Variants in TENM2 observed in about 807,000 individuals in gnomAD.
The protein encoded by TENM2 is teneurin-2.
Under a neutral mutation model 245.2 loss-of-function variants are expected in TENM2, and 52 were observed. The ratio of observed to expected loss-of-function variants is 0.21; its 90% CI spans 0.17 to 0.27. The LOEUF (loss-of-function observed/expected upper bound fraction) is 0.27, where lower values mean the gene tolerates loss of function less well. Ranked by LOEUF, TENM2 falls within the 10% of genes least tolerant of loss-of-function variation. The pLI is 1.00. For missense variants in TENM2, 3,046 were observed against 3,666.8 expected (o/e 0.83, Z 4.37); for synonymous variants, 1,363 against 1,438.9 (o/e 0.95, Z 1.19).
the TENM2 span, among the ~76,000 whole-genome samples, chr5:167,139,627 A>G: frequency 1.8e-4 from 28 of 152,194 alleles, no homozygotes; most frequent in Non-Finnish European, 3.4e-4. Flanking sequence ...AGCAAAGTCA[A>G]TCGTTAGCTA....
chr5:167,485,736 G>A (rs528881775), intron 2 of TENM2, among the ~76,000 whole-genome samples: 1 of 152,190 alleles, frequency 6.6e-6, no homozygotes, highest in African/African-American at 2.4e-5. Context: ...CAAGTTGCAG[G>A]GGAAAGACAA....
chr5:167,485,720 C>A (rs1236699269), intron 2 of TENM2, among the ~76,000 whole-genome samples: 2 of 152,082 alleles, frequency 1.3e-5, no homozygotes, highest in African/African-American at 2.4e-5. Context: ...TGCCTAAATA[C>A]CCCGACAAGT....
chr5:168,149,143 G>A (rs1249147950), intron 12 of TENM2, among the ~76,000 whole-genome samples: 1 of 152,094 alleles, frequency 6.6e-6, no homozygotes, highest in Non-Finnish European at 1.5e-5. Context: ...GAAAGGCGAG[G>A]CATTCATTTG....
At chr5:168,259,697 A>AG in intron 27 of TENM2, among the ~76,000 whole-genome samples, 1 of 152,354 alleles carries the variant, frequency 6.6e-6, no homozygotes, top group East Asian at 1.9e-4. Flanking sequence ...AGCCAGCCTC[A>AG]GTGCAGTGGC....
intron 27 of TENM2, among the ~76,000 whole-genome samples, chr5:168,251,537 C>T (rs10447194): frequency 0.44 from 67,141 of 151,974 alleles, 15,785 homozygotes; most frequent in South Asian, 0.54. Flanking sequence ...GCACAGCCCA[C>T]GCTCGGGCAG....
chr5:167,084,787 C>G, the TENM2 span, among the ~76,000 whole-genome samples: 1 of 152,114 alleles, frequency 6.6e-6, no homozygotes, highest in African/African-American at 2.4e-5. Context: ...ATGTCAGTAT[C>G]AAAGCCCTAA....
intron 5 of TENM2, among the ~76,000 whole-genome samples, chr5:168,001,434 G>A (rs768785068): frequency 3.3e-5 from 5 of 152,170 alleles, no homozygotes; most frequent in Non-Finnish European, 7.3e-5. Flanking sequence ...GCAAATAATG[G>A]CATAAATCTA....
chr5:168,149,708 A>G (rs1756469024), intron 12 of TENM2, among the ~76,000 whole-genome samples: 1 of 152,126 alleles, frequency 6.6e-6, no homozygotes, highest in East Asian at 1.9e-4. Context: ...TTAAAAACTC[A>G]TGTCAGATCA....
intron 2 of TENM2, among the ~76,000 whole-genome samples, chr5:167,844,064 G>A (rs937665498): frequency 6.6e-6 from 1 of 152,120 alleles, no homozygotes; most frequent in African/African-American, 2.4e-5. Flanking sequence ...CTTACTGCCT[G>A]TACAGCTTAG....
chr5:167,445,330 TATATATAGAG>T (rs1389014186), intron 2 of TENM2, among the ~76,000 whole-genome samples: 3 of 49,304 alleles, frequency 6.1e-5, no homozygotes, highest in Admixed American at 3.6e-4. Flanking sequence ...TATATATATA[TATATATAGAG>T]AGAGAGAGAG....
chr5:167,545,442 C>T (rs1292732667), intron 2 of TENM2, among the ~76,000 whole-genome samples: 1 of 152,142 alleles, frequency 6.6e-6, no homozygotes, highest in African/African-American at 2.4e-5. Context: ...CAGGCACCTG[C>T]ACACAATGAA....
the TENM2 span, among the ~76,000 whole-genome samples, chr5:166,979,220 A>AGCAGCG: frequency 6.6e-6 from 1 of 150,970 alleles, no homozygotes; most frequent in Non-Finnish European, 1.5e-5. Flanking sequence ...CAGCAGCAGC[A>AGCAGCG]GCAGCAGCAG....
intron 12 of TENM2, among the ~76,000 whole-genome samples, chr5:168,158,898 T>C (rs1204398607): frequency 1.4e-5 from 2 of 141,308 alleles, no homozygotes; most frequent in African/African-American, 5.2e-5. Context: ...CGTATATATA[T>C]ACATGTATAT....
At chr5:167,583,510 A>ACACACACCCC (rs777180325) in intron 2 of TENM2, among the ~76,000 whole-genome samples, 1 of 149,894 alleles carries the variant, frequency 6.7e-6, no homozygotes, top group Non-Finnish European at 1.5e-5. Context: ...ACACACACAC[A>ACACACACCCC]CCCCAAACCT....
chr5:167,330,205 T>G (rs1269085585), intron 1 of TENM2, among the ~76,000 whole-genome samples: 1 of 152,200 alleles, frequency 6.6e-6, no homozygotes, highest in Non-Finnish European at 1.5e-5. Flanking sequence ...ATAATTATAA[T>G]AGCCAGCCTT....
intron 7 of TENM2, among the ~76,000 whole-genome samples, chr5:168,090,148 T>C (rs1423573498): frequency 6.6e-6 from 1 of 151,840 alleles, no homozygotes; most frequent in Non-Finnish European, 1.5e-5. Flanking sequence ...GGAAAAGTTA[T>C]ACTTTGCATA....
At chr5:167,951,013 A>G (rs1780051755) in intron 3 of TENM2, among the ~76,000 whole-genome samples, 1 of 152,238 alleles carries the variant, frequency 6.6e-6, no homozygotes, top group Non-Finnish European at 1.5e-5. Flanking sequence ...ATTTCAGCCT[A>G]GAGATGCGAA....
At chr5:166,990,992 A>G in the TENM2 span, among the ~76,000 whole-genome samples, 11 of 152,138 alleles carry the variant, frequency 7.2e-5, no homozygotes, top group Non-Finnish European at 1.0e-4. Flanking sequence ...TGAAGTTAAA[A>G]AAGAAAGAAA....
chr5:167,554,789 G>C (rs1273164070), intron 2 of TENM2, among the ~76,000 whole-genome samples: 1 of 151,998 alleles, frequency 6.6e-6, no homozygotes, highest in Non-Finnish European at 1.5e-5. Flanking sequence ...GAAGTGGATT[G>C]GGCCAAGAGG....
Sources: gnomAD v4.1 joint callset for allele counts (sites outside exome capture counted in the v4.1 genomes callset) on GRCh38, gnomAD v4.1.1 for gene constraint, MANE v1.5 for transcripts, NCBI Gene and HGNC (gene_info 2026-07-23, HGNC 2026-07-21) for gene names.